The following CNDP1 variants were observed in gnomAD, a reference collection of about 807,000 sequenced individuals.
CNDP1 encodes carnosine dipeptidase 1, also known as beta-Ala-His dipeptidase.
CNDP1 carries 44 observed loss-of-function variants against 58.1 expected under a neutral mutation model. The observed-to-expected ratio is 0.76, with a 90% CI of 0.60 to 0.97. The LOEUF is 0.97. Ranked by LOEUF, CNDP1 falls within the 50% of genes least tolerant of loss-of-function variation. The pLI, the probability that CNDP1 is intolerant of heterozygous loss-of-function variation, is 0.00. For missense variants in CNDP1, 616 were observed against 655.1 expected (o/e 0.94, Z 0.65); for synonymous variants, 254 against 252.6 (o/e 1.01, Z -0.05).
intron 9 of CNDP1, among the ~76,000 whole-genome samples, chr18:74,579,523 G>C (rs971039857): frequency 6.6e-6 from 1 of 151,988 alleles, no homozygotes; most frequent in Admixed American, 6.6e-5. Context: ...GACATGACAC[G>C]TGTTCTATAA....
chr18:74,543,150 T>G (rs1251100595), intron 1 of CNDP1, among the ~76,000 whole-genome samples: 1 of 152,168 alleles, frequency 6.6e-6, no homozygotes, highest in Non-Finnish European at 1.5e-5. Flanking sequence ...AACACCCATA[T>G]TAAAGAATGA....
At chr18:74,571,471 CTTCAG>C (rs1283511562) in intron 7 of CNDP1, among the ~76,000 whole-genome samples, 2 of 152,178 alleles carry the variant, frequency 1.3e-5, no homozygotes, top group African/African-American at 2.4e-5. Flanking sequence ...TGAAACTCTT[CTTCAG>C]TTCATCCATT....
chr18:74,555,464 A>T (rs1981013737), intron 1 of CNDP1, among the ~76,000 whole-genome samples: 1 of 152,138 alleles, frequency 6.6e-6, no homozygotes, highest in Admixed American at 6.5e-5. Context: ...CCAGATGTGC[A>T]GGTGGCCCCT....
intron 5 of CNDP1, among the ~76,000 whole-genome samples, chr18:74,565,036 C>A (rs1350132053): frequency 6.6e-6 from 1 of 152,178 alleles, no homozygotes; most frequent in Non-Finnish European, 1.5e-5. Context: ...AGAATCATGG[C>A]AGGAGGCAAA....
chr18:74,560,115 A>C (rs1981150412), intron 3 of CNDP1, among the ~76,000 whole-genome samples: 1 of 149,948 alleles, frequency 6.7e-6, no homozygotes, highest in South Asian at 2.1e-4. Flanking sequence ...GTCCCAGTTC[A>C]AGCAATTCTC....
chr18:74,538,184 T>G (rs753542305), intron 1 of CNDP1, among the ~76,000 whole-genome samples: 1 of 152,174 alleles, frequency 6.6e-6, no homozygotes, highest in Non-Finnish European at 1.5e-5. Context: ...GCTATGACCC[T>G]CCTATTCGCC....
At chr18:74,565,892 C>T (rs528408519) in intron 5 of CNDP1, among the ~76,000 whole-genome samples, 2 of 152,224 alleles carry the variant, frequency 1.3e-5, no homozygotes, top group Non-Finnish European at 2.9e-5. Context: ...TCCACACTGC[C>T]CTAGCAGAGG....
rs1040090776 is a variant in CNDP1, at chr18:74,559,416, G to A, written c.247G>A (p.Asp83Asn). Reference protein sequence around the residue: ...ELFRMMAVAADTLQRLGARVA... With the variant: ...ELFRMMAVAANTLQRLGARVA... The stretch of plus-strand genomic sequence containing the variant: ...CTTCAGAATGATGGCCGTGGCTGCG[G>A]ACACGCTGCAGCGCCTGGGGGCCCG... Residue 83 changes from aspartate (D) to asparagine (N), a missense_variant, in exon 3 of 12, where the codon GAC (aspartate) becomes AAC (asparagine). By Grantham distance (23) the Asp-to-Asn change is conservative. Transcript: ENST00000358821. 5 of 1,613,282 alleles carry A rather than the reference G, an allele frequency of 3.1e-6. No individual in the cohort carries two copies. The highest frequency in any genetic ancestry group is 2.2e-5 in the East Asian group (1 of 44,862).
chr18:74,551,882 T>G (rs897807866), intron 1 of CNDP1, among the ~76,000 whole-genome samples: 1 of 151,168 alleles, frequency 6.6e-6, no homozygotes, highest in African/African-American at 2.4e-5. Context: ...CAAATGTTAA[T>G]GTAGATGGAT....
chr18:74,581,459 GC>G (rs1194522311), intron 10 of CNDP1, among the ~76,000 whole-genome samples: 3 of 152,166 alleles, frequency 2.0e-5, no homozygotes, highest in Non-Finnish European at 4.4e-5. Flanking sequence ...CCCCAGGCAG[GC>G]CAAGGAGATT....
intron 9 of CNDP1, among the ~76,000 whole-genome samples, chr18:74,579,582 C>T (rs912688200): frequency 7.2e-5 from 11 of 152,010 alleles, no homozygotes; most frequent in African/African-American, 1.9e-4. Flanking sequence ...GGCACCTCCC[C>T]GGGAGACTCT....
chr18:74,579,705 T>C (rs769337851), intron 9 of CNDP1, among the ~76,000 whole-genome samples: 8 of 152,190 alleles, frequency 5.3e-5, no homozygotes, highest in Non-Finnish European at 1.0e-4. Flanking sequence ...AAATACTTAA[T>C]GCTTCCAAAT....
At chr18:74,573,956 T>C (rs1453855872) in intron 7 of CNDP1, among the ~76,000 whole-genome samples, 1 of 152,226 alleles carries the variant, frequency 6.6e-6, no homozygotes, top group African/African-American at 2.4e-5. Flanking sequence ...TCATATGTTT[T>C]GTACAAAAAC....
At chr18:74,547,584 G>A (rs1980794051) in intron 1 of CNDP1, among the ~76,000 whole-genome samples, 1 of 152,210 alleles carries the variant, frequency 6.6e-6, no homozygotes, top group African/African-American at 2.4e-5. Flanking sequence ...CTTCATTAAA[G>A]TATCCCAGGC....
chr18:74,564,453 A>G (rs934919151), intron 5 of CNDP1, among the ~76,000 whole-genome samples: 1 of 152,258 alleles, frequency 6.6e-6, no homozygotes, highest in Admixed American at 6.5e-5. Flanking sequence ...AAGCCTTTGA[A>G]TAAGTTAAAA....
intron 5 of CNDP1, 82 bp from the exon 6 acceptor site, chr18:74,567,151 C>A (rs925472847): frequency 1.9e-5 from 21 of 1,111,412 alleles, no homozygotes; most frequent in Non-Finnish European, 2.5e-5. Flanking sequence ...CTGGGAGATA[C>A]AATTCAAGTT....
chr18:74,566,150 AG>A (rs1370060859), intron 5 of CNDP1, among the ~76,000 whole-genome samples: 1 of 152,220 alleles, frequency 6.6e-6, no homozygotes, highest in Non-Finnish European at 1.5e-5. Context: ...CCAAGTCTCT[AG>A]GCTGTACACA....
intron 5 of CNDP1, 143 bp from the exon 6 acceptor site, chr18:74,567,090 C>G: frequency 1.5e-6 from 1 of 657,472 alleles, no homozygotes. Context: ...AAAGACTGGC[C>G]CCCATGATTC....
intron 1 of CNDP1, among the ~76,000 whole-genome samples, chr18:74,551,042 T>C (rs550219293): frequency 1.9e-3 from 287 of 152,142 alleles, no homozygotes; most frequent in African/African-American, 6.6e-3. Context: ...GCGGGAGGTA[T>C]TTAGGTGCTG....
Sources: allele counts gnomAD v4.1 joint callset (sites outside exome capture counted in the v4.1 genomes callset), GRCh38; gene constraint gnomAD v4.1.1; transcripts MANE v1.5; gene names NCBI Gene and HGNC (gene_info 2026-07-23, HGNC 2026-07-21).